PABPC4L: variants seen among roughly 807,000 people sequenced by gnomAD.
PABPC4L encodes the protein poly(A) binding protein cytoplasmic 4 like.
For missense variants in PABPC4L, 452 were observed against 451.4 expected (o/e 1.00, Z -0.01); for synonymous variants, 169 against 164.1 (o/e 1.03, Z -0.23).
At chr4:134,174,760 T>C in the PABPC4L span, among the ~76,000 whole-genome samples, 2 of 152,192 alleles carry the variant, frequency 1.3e-5, no homozygotes, top group African/African-American at 4.8e-5. Flanking sequence ...TTCATTTCTA[T>C]ATATTTTTTC....
At chr4:134,171,409 T>G in the PABPC4L span, among the ~76,000 whole-genome samples, 1 of 152,190 alleles carries the variant, frequency 6.6e-6, no homozygotes. Context: ...CCACCACGCC[T>G]GGCCATATGC....
the PABPC4L span, among the ~76,000 whole-genome samples, chr4:134,073,809 C>T: frequency 6.6e-6 from 1 of 152,210 alleles, no homozygotes; most frequent in African/African-American, 2.4e-5. Flanking sequence ...TTTGCACCCT[C>T]TGAAGCAATA....
At chr4:134,191,925 A>T (rs1236065137), downstream of PABPC4L, among the ~76,000 whole-genome samples, 2 of 152,230 alleles carry the variant, frequency 1.3e-5, no homozygotes, top group East Asian at 3.9e-4. Flanking sequence ...TTAAGAATAG[A>T]AAAACAATAG....
chr4:134,035,779 T>A, the PABPC4L span, among the ~76,000 whole-genome samples: 1 of 152,062 alleles, frequency 6.6e-6, no homozygotes, highest in East Asian at 1.9e-4. Flanking sequence ...ATATGATGGT[T>A]GAAATGATCA....
the PABPC4L span, among the ~76,000 whole-genome samples, chr4:134,104,848 A>C: frequency 6.6e-6 from 1 of 151,790 alleles, no homozygotes; most frequent in Non-Finnish European, 1.5e-5. Context: ...AATTATCTAC[A>C]CAAAAATATT....
chr4:134,152,667 T>C, the PABPC4L span, among the ~76,000 whole-genome samples: 113 of 152,324 alleles, frequency 7.4e-4, no homozygotes, highest in African/African-American at 2.5e-3. Context: ...GTTTCAAAGC[T>C]GCTTCCACAT....
chr4:134,031,146 C>G, the PABPC4L span, among the ~76,000 whole-genome samples: 2 of 151,944 alleles, frequency 1.3e-5, no homozygotes, highest in Non-Finnish European at 2.9e-5. Flanking sequence ...TCCCAGTTCT[C>G]CTAGATATCC....
chr4:134,084,684 C>T, the PABPC4L span, among the ~76,000 whole-genome samples: 3 of 152,000 alleles, frequency 2.0e-5, no homozygotes, highest in Non-Finnish European at 4.4e-5. Flanking sequence ...AAAGAGAAGT[C>T]TCAGAAGGAA....
At chr4:134,019,558 C>T in the PABPC4L span, among the ~76,000 whole-genome samples, 1 of 152,042 alleles carries the variant, frequency 6.6e-6, no homozygotes, top group African/African-American at 2.4e-5. Flanking sequence ...CAATCGGTAG[C>T]TATAAGTTAT....
chr4:134,020,851 A>T, the PABPC4L span, among the ~76,000 whole-genome samples: 2 of 152,166 alleles, frequency 1.3e-5, no homozygotes, highest in African/African-American at 4.8e-5. Context: ...ATATAGTTAT[A>T]TATAATTGAC....
At chr4:134,109,336 A>T in the PABPC4L span, among the ~76,000 whole-genome samples, 2 of 151,908 alleles carry the variant, frequency 1.3e-5, no homozygotes, top group African/African-American at 4.8e-5. Flanking sequence ...TTGAGCCTAA[A>T]TTGGAGGCTT....
chr4:133,981,140 G>A, the PABPC4L span, among the ~76,000 whole-genome samples: 3 of 148,792 alleles, frequency 2.0e-5, no homozygotes, highest in African/African-American at 7.6e-5. Flanking sequence ...CAGCCTCTGC[G>A]ACAGAGCAAG....
the PABPC4L span, among the ~76,000 whole-genome samples, chr4:134,176,539 T>A: frequency 6.6e-6 from 1 of 151,892 alleles, no homozygotes; most frequent in Non-Finnish European, 1.5e-5. Context: ...AATAATCAGA[T>A]TTAGGGTGAG....
At chr4:134,047,982 CTG>C in the PABPC4L span, among the ~76,000 whole-genome samples, 2 of 152,074 alleles carry the variant, frequency 1.3e-5, no homozygotes, top group South Asian at 4.1e-4. Flanking sequence ...TGGCTGAACA[CTG>C]TAATAATATT....
chr4:134,124,600 G>A, the PABPC4L span, among the ~76,000 whole-genome samples: 1 of 151,956 alleles, frequency 6.6e-6, no homozygotes, highest in Admixed American at 6.6e-5. Context: ...GACTTCAGTG[G>A]TACACAGCAG....
the PABPC4L span, among the ~76,000 whole-genome samples, chr4:134,008,735 CT>C: frequency 2.6e-5 from 4 of 151,716 alleles, no homozygotes; most frequent in African/African-American, 7.2e-5. Context: ...GTGTTGTTTT[CT>C]TTTTTTCTTT....
the PABPC4L span, among the ~76,000 whole-genome samples, chr4:134,168,956 C>T: frequency 6.6e-6 from 1 of 152,142 alleles, no homozygotes; most frequent in East Asian, 1.9e-4. Context: ...ACCAGTATTG[C>T]CCTGATGTCA....
the PABPC4L span, among the ~76,000 whole-genome samples, chr4:134,085,225 T>C: frequency 1.3e-5 from 2 of 152,214 alleles, no homozygotes; most frequent in Admixed American, 1.3e-4. Flanking sequence ...CTGCCTCCTG[T>C]CTCTATCACT....
At chr4:134,007,210 A>G in the PABPC4L span, among the ~76,000 whole-genome samples, 2 of 151,970 alleles carry the variant, frequency 1.3e-5, no homozygotes, top group African/African-American at 2.4e-5. Context: ...CCAACTTTAC[A>G]TAATAGGGTT....
Sources: allele counts gnomAD v4.1 joint callset (sites outside exome capture counted in the v4.1 genomes callset), GRCh38; gene constraint gnomAD v4.1.1; transcripts MANE v1.5; gene names NCBI Gene and HGNC (gene_info 2026-07-23, HGNC 2026-07-21).